Variants in CTNNA3 observed in about 807,000 individuals in gnomAD.
CTNNA3 encodes the protein catenin alpha-3.
A neutral mutation model predicts 95.7 loss-of-function variants in CTNNA3; 76 were observed. The observed-to-expected ratio is 0.79, with a 90% CI of 0.66 to 0.96. The LOEUF (loss-of-function observed/expected upper bound fraction) is 0.96. Among genes scored for constraint, CTNNA3 ranks in the 40% least tolerant of loss-of-function variants. The pLI, the probability that CTNNA3 is intolerant of heterozygous loss-of-function variation, is 0.00. For synonymous variants in CTNNA3, 431 were observed against 374.4 expected, an observed-to-expected ratio of 1.15 and a Z score of -1.74; for missense variants, 1,191 against 1,089.8, an observed-to-expected ratio of 1.09 and a Z score of -1.31.
intron 7 of CTNNA3, among the ~76,000 whole-genome samples, chr10:67,027,149 T>G (rs1053216610): frequency 6.6e-6 from 1 of 151,434 alleles, no homozygotes; most frequent in South Asian, 2.1e-4. Flanking sequence ...GAGTGCCCAA[T>G]AAGGTGAGAA....
At chr10:66,548,496 T>C (rs1316225261) in intron 10 of CTNNA3, among the ~76,000 whole-genome samples, 2 of 152,152 alleles carry the variant, frequency 1.3e-5, no homozygotes, top group African/African-American at 4.8e-5. Context: ...TAAACATCTT[T>C]ATTTTATTTC....
At chr10:67,662,127 A>G (rs569761093) in intron 1 of CTNNA3, among the ~76,000 whole-genome samples, 5 of 152,062 alleles carry the variant, frequency 3.3e-5, no homozygotes, top group Non-Finnish European at 5.9e-5. Flanking sequence ...CATCCCCCCA[A>G]TCCTTGGGGG....
chr10:66,319,485 T>C (rs34378762), intron 12 of CTNNA3, among the ~76,000 whole-genome samples: 63,749 of 151,906 alleles, frequency 0.42, 14,297 homozygotes, highest in East Asian at 0.73. Context: ...TCATATAAGA[T>C]AGGGGATGGG....
chr10:67,697,837 C>T (rs935066420), upstream of CTNNA3, among the ~76,000 whole-genome samples: 1 of 152,132 alleles, frequency 6.6e-6, no homozygotes, highest in Admixed American at 6.5e-5. Context: ...CAAGAGGTCC[C>T]CTCCTAGCAA....
At chr10:67,423,184 T>C (rs868541781) in intron 5 of CTNNA3, among the ~76,000 whole-genome samples, 3 of 152,056 alleles carry the variant, frequency 2.0e-5, no homozygotes, top group Admixed American at 6.6e-5. Flanking sequence ...AAACAGCACC[T>C]CTCTCCTCCC....
In CTNNA3 at chr10:66,645,287, C is replaced by T. The variant is rs144466965; in HGVS notation, c.1282-23503G>A. The stretch of plus-strand genomic sequence containing the variant: ...AAGGACTCTGCCTAGCCCTAGATCC[C>T]GAATATTTTTTCCTATTTTGTTCTA... On this transcript the variant is annotated intron_variant, in intron 9 of 17. Coordinates refer to ENST00000433211, the MANE Select transcript of CTNNA3 (RefSeq NM_013266.4). Among the ~76,000 whole-genome samples, 97 of 152,000 alleles carry T rather than the reference C, an allele frequency of 6.4e-4. 2 individuals are homozygous for T. The East Asian group carries it at 0.018, about 28-fold the overall frequency.
intron 7 of CTNNA3, among the ~76,000 whole-genome samples, chr10:66,825,387 T>C (rs2132303710): frequency 6.6e-6 from 1 of 151,572 alleles, no homozygotes; most frequent in Admixed American, 6.6e-5. Context: ...GCAATTCTCC[T>C]GCCTCAGCCT....
intron 13 of CTNNA3, among the ~76,000 whole-genome samples, chr10:66,211,815 C>T (rs1231662053): frequency 6.6e-6 from 1 of 152,080 alleles, no homozygotes; most frequent in African/African-American, 2.4e-5. Flanking sequence ...GAGTTGCAAT[C>T]GGAGGGACCC....
intron 2 of CTNNA3, among the ~76,000 whole-genome samples, chr10:67,636,728 T>A (rs1839327134): frequency 6.6e-6 from 1 of 152,124 alleles, no homozygotes. Context: ...TTCTGCAGAC[T>A]CCACTGCTGA....
intron 17 of CTNNA3, among the ~76,000 whole-genome samples, chr10:65,922,122 T>C (rs909482622): frequency 6.6e-6 from 1 of 152,144 alleles, no homozygotes; most frequent in Admixed American, 6.5e-5. Flanking sequence ...GGTTCTACCT[T>C]GCGTTTTTTC....
chr10:66,015,758 T>C (rs1441194326), intron 15 of CTNNA3, among the ~76,000 whole-genome samples: 1 of 152,198 alleles, frequency 6.6e-6, no homozygotes, highest in Non-Finnish European at 1.5e-5. Context: ...GTCCCTTTTA[T>C]GGAGAAGCAC....
intron 13 of CTNNA3, among the ~76,000 whole-genome samples, chr10:66,177,441 C>T (rs2085772054): frequency 6.6e-6 from 1 of 151,676 alleles, no homozygotes; most frequent in South Asian, 2.1e-4. Context: ...AACAACACTG[C>T]ATTTTTGGAG....
chr10:66,274,229 A>G (rs563120831), intron 13 of CTNNA3, among the ~76,000 whole-genome samples: 1 of 113,896 alleles, frequency 8.8e-6, no homozygotes, highest in South Asian at 2.5e-4. Flanking sequence ...GTCACGTTTC[A>G]ATATGATTTA....
At chr10:66,478,118 C>T (rs1286469044) in intron 11 of CTNNA3, among the ~76,000 whole-genome samples, 1 of 152,072 alleles carries the variant, frequency 6.6e-6, no homozygotes, top group African/African-American at 2.4e-5. Context: ...AGCAATGCTC[C>T]AGCATGCACT....
intron 9 of CTNNA3, among the ~76,000 whole-genome samples, chr10:66,761,206 G>A (rs915421282): frequency 1.3e-5 from 2 of 151,988 alleles, no homozygotes; most frequent in African/African-American, 4.8e-5. Context: ...CTTGGCACTG[G>A]GGCTTTGCTA....
intron 5 of CTNNA3, among the ~76,000 whole-genome samples, chr10:67,445,366 T>C (rs1332092172): frequency 1.3e-5 from 2 of 151,392 alleles, no homozygotes; most frequent in Non-Finnish European, 2.9e-5. Flanking sequence ...AACTCTGCAA[T>C]CAAATGATGT....
chr10:66,649,318 C>T (rs1258702274), intron 9 of CTNNA3, among the ~76,000 whole-genome samples: 1 of 151,928 alleles, frequency 6.6e-6, no homozygotes, highest in Non-Finnish European at 1.5e-5. Flanking sequence ...TTAATTTGAA[C>T]AAATATCCAT....
chr10:67,270,061 A>G (rs1838904183), intron 5 of CTNNA3, among the ~76,000 whole-genome samples: 1 of 151,724 alleles, frequency 6.6e-6, no homozygotes, highest in Non-Finnish European at 1.5e-5. Context: ...AGACCTATAA[A>G]TCGCTCTGAG....
rs554317172 is a variant in CTNNA3 at position 66,557,268 on chromosome 10, A to G, written c.1375-36495T>C. ...ATTATTTCTAGCATATCAATTTTCTATAAGTTCTCTGAAATACAGGTGACA... is the reference window on the plus strand; with the variant it reads ...ATTATTTCTAGCATATCAATTTTCTGTAAGTTCTCTGAAATACAGGTGACA... On this transcript the variant is annotated intron_variant, in intron 10 of 17. Coordinates refer to ENST00000433211, the MANE Select transcript of CTNNA3 (RefSeq NM_013266.4). 1.4e-4 allele frequency among the ~76,000 whole-genome samples: 21 copies of G among 152,236 alleles called. 1 individual carries two copies. The highest frequency in any genetic ancestry group is 5.1e-4 in the African/African-American group (21 of 41,570).
Sources: allele counts gnomAD v4.1 joint callset (sites outside exome capture counted in the v4.1 genomes callset), GRCh38; gene constraint gnomAD v4.1.1; transcripts MANE v1.5; gene names NCBI Gene and HGNC (gene_info 2026-07-23, HGNC 2026-07-21).